GAP43: variants seen among roughly 807,000 people sequenced by gnomAD.
The protein encoded by GAP43 is growth associated protein 43, also known as neuromodulin.
A neutral mutation model predicts 18.6 loss-of-function variants in GAP43; 6 were observed. The ratio of observed to expected loss-of-function variants is 0.32; its 90% confidence interval spans 0.18 to 0.64. The LOEUF is 0.64. Among genes scored for constraint, GAP43 ranks in the 30% least tolerant of loss-of-function variants. The pLI, the probability that GAP43 is intolerant of heterozygous loss-of-function variation, is 0.78. For missense variants in GAP43, 292 were observed against 295.5 expected (o/e 0.99, Z 0.09); for synonymous variants, 115 against 111.4 (o/e 1.03, Z -0.20).
At chr3:115,698,615 G>A (rs963617921) in intron 2 of GAP43, among the ~76,000 whole-genome samples, 5 of 151,692 alleles carry the variant, frequency 3.3e-5, no homozygotes, top group African/African-American at 1.2e-4. Context: ...GGAAAAGTGT[G>A]GGTAGAGGAT....
chr3:115,657,330 A>AAC (rs1174927563), intron 1 of GAP43, among the ~76,000 whole-genome samples: 1 of 152,210 alleles, frequency 6.6e-6, no homozygotes, highest in Non-Finnish European at 1.5e-5. Context: ...CGAAGAAAGG[A>AAC]ACACTGGGTG....
chr3:115,683,147 G>T (rs10804519), intron 2 of GAP43, among the ~76,000 whole-genome samples: 1 of 127,396 alleles, frequency 7.8e-6, no homozygotes, highest in South Asian at 3.0e-4. Context: ...GCGCGCGCGC[G>T]CACACACACA....
intron 2 of GAP43, among the ~76,000 whole-genome samples, chr3:115,699,818 C>T (rs1387106357): frequency 6.6e-6 from 1 of 152,110 alleles, no homozygotes; most frequent in Admixed American, 6.6e-5. Context: ...TCATATGCAT[C>T]TTTAAGAGCC....
intron 1 of GAP43, among the ~76,000 whole-genome samples, chr3:115,668,301 G>A (rs1359248899): frequency 3.3e-5 from 5 of 152,094 alleles, no homozygotes; most frequent in African/African-American, 1.2e-4. Context: ...TTCCTTCCTT[G>A]AATAACTAAG....
intron 1 of GAP43, among the ~76,000 whole-genome samples, chr3:115,670,182 T>G (rs1708799602): frequency 1.8e-5 from 2 of 111,534 alleles, no homozygotes; most frequent in South Asian, 7.1e-4. Context: ...GAGTGTGATA[T>G]TCCCCTTCCT....
chr3:115,690,757 C>CTTTTTTTTTTTTTTTTTTTTTTTTTTTT (rs71616327), intron 2 of GAP43, among the ~76,000 whole-genome samples: 1 of 110,998 alleles, frequency 9.0e-6, no homozygotes. Flanking sequence ...TTCTTTCTTT[C>CTTTTTTTTTTTTTTTTTTTTTTTTTTTT]TTTTTTTTTT....
At chr3:115,657,369 A>C (rs1303895314) in intron 1 of GAP43, among the ~76,000 whole-genome samples, 1 of 152,206 alleles carries the variant, frequency 6.6e-6, no homozygotes, top group Non-Finnish European at 1.5e-5. Context: ...CATAGTTACC[A>C]CCAGATGGTG....
chr3:115,679,451 T>C (rs1708933735), intron 2 of GAP43, among the ~76,000 whole-genome samples: 1 of 152,180 alleles, frequency 6.6e-6, no homozygotes, highest in African/African-American at 2.4e-5. Context: ...CACCTCTCCC[T>C]AGTTTGCCAC....
intron 1 of GAP43, among the ~76,000 whole-genome samples, chr3:115,656,924 T>A (rs968693356): frequency 6.6e-6 from 1 of 152,188 alleles, no homozygotes; most frequent in Non-Finnish European, 1.5e-5. Flanking sequence ...TCCTCATATA[T>A]AATTTCATTA....
intron 2 of GAP43, among the ~76,000 whole-genome samples, chr3:115,698,291 T>TAC (rs1389868367): frequency 1.3e-5 from 1 of 79,302 alleles, no homozygotes; most frequent in African/African-American, 4.8e-5. Flanking sequence ...AAATATAATA[T>TAC]ATATATTATA....
intron 1 of GAP43, among the ~76,000 whole-genome samples, chr3:115,659,628 G>A (rs1559794081): frequency 1.3e-5 from 2 of 149,416 alleles, no homozygotes; most frequent in African/African-American, 4.9e-5. Context: ...TAGAGAGAGA[G>A]AAAAGGGAAG....
At chr3:115,650,528 C>T (rs1576982307) in intron 1 of GAP43, among the ~76,000 whole-genome samples, 2 of 152,134 alleles carry the variant, frequency 1.3e-5, no homozygotes, top group Admixed American at 6.5e-5. Flanking sequence ...ATACCATCTC[C>T]TATTTCTCTG....
intron 1 of GAP43, among the ~76,000 whole-genome samples, chr3:115,655,213 A>T (rs1708565255): frequency 6.6e-6 from 1 of 152,216 alleles, no homozygotes. Context: ...ATCTGTGAAC[A>T]CCAGAATATT....
rs79081802 is a variant in GAP43, at chr3:115,673,720, C to T, written c.31-2293C>T. 1.1e-3 allele frequency among the ~76,000 whole-genome samples: 166 copies of T among 152,268 alleles called. 6 individuals are homozygous for T. The East Asian group carries it at 0.031, about 28-fold the overall frequency. ...TGTCTCACATTGGGCTGTGCTCATC[C>T]CAGTAGGAGTCATCAAGAGCAGCAG... On this transcript the variant is annotated intron_variant, in intron 1 of 2. Coordinates refer to ENST00000305124, the MANE Select transcript of GAP43 (RefSeq NM_002045.4).
chr3:115,668,402 A>G (rs1379894995), intron 1 of GAP43, among the ~76,000 whole-genome samples: 1 of 152,048 alleles, frequency 6.6e-6, no homozygotes, highest in East Asian at 1.9e-4. Flanking sequence ...TTCTCCAGCA[A>G]TCTCCCATGA....
chr3:115,627,129 C>T (rs907548845), intron 1 of GAP43, among the ~76,000 whole-genome samples: 18 of 78,084 alleles, frequency 2.3e-4, no homozygotes, highest in Admixed American at 6.4e-4. Context: ...TTTCTTTTTT[C>T]TTTCTTTTTT....
At chr3:115,661,589 C>T (rs948963703) in intron 1 of GAP43, among the ~76,000 whole-genome samples, 2 of 152,068 alleles carry the variant, frequency 1.3e-5, no homozygotes, top group African/African-American at 2.4e-5. Context: ...CCCGGGTTCA[C>T]GCCGTTCTCC....
At chr3:115,676,934 C>A (rs1050479361) in intron 2 of GAP43, among the ~76,000 whole-genome samples, 1 of 152,096 alleles carries the variant, frequency 6.6e-6, no homozygotes, top group Middle Eastern at 3.2e-3. Flanking sequence ...ATTCTGTGTG[C>A]TGATAGACTT....
intron 1 of GAP43, among the ~76,000 whole-genome samples, chr3:115,662,160 T>C (rs1338641522): frequency 1.3e-5 from 2 of 152,148 alleles, no homozygotes; most frequent in Non-Finnish European, 2.9e-5. Flanking sequence ...AACCTTAAAA[T>C]ATGAGAATAG....
Sources: gnomAD v4.1 joint callset for allele counts (sites outside exome capture counted in the v4.1 genomes callset) on GRCh38, gnomAD v4.1.1 for gene constraint, MANE v1.5 for transcripts, NCBI Gene and HGNC (gene_info 2026-07-23, HGNC 2026-07-21) for gene names.